The following OPCML variants were observed in gnomAD, a reference collection of about 807,000 sequenced individuals.
The protein encoded by OPCML is opioid binding protein/cell adhesion molecule like.
A neutral mutation model predicts 37.8 loss-of-function variants in OPCML; 13 were observed. That is an observed-to-expected ratio of 0.34 (90% CI 0.22 to 0.55). The LOEUF (loss-of-function observed/expected upper bound fraction) is 0.55, where lower values mean the gene tolerates loss of function less well. OPCML is among the 20% of genes least tolerant of loss of function. The pLI, the probability that OPCML is intolerant of heterozygous loss-of-function variation, is 0.91. For missense variants in OPCML, 341 were observed against 435.6 expected (o/e 0.78, Z 1.93); for synonymous variants, 176 against 168.8 (o/e 1.04, Z -0.33).
chr11:132,861,273 C>T (rs1055726549), intron 2 of OPCML, among the ~76,000 whole-genome samples: 4 of 152,162 alleles, frequency 2.6e-5, no homozygotes, highest in Admixed American at 1.3e-4. Flanking sequence ...AAGGGCTAGG[C>T]GCTTGTTTTC....
At chr11:132,711,077 C>T (rs977641823) in intron 2 of OPCML, among the ~76,000 whole-genome samples, 4 of 152,058 alleles carry the variant, frequency 2.6e-5, no homozygotes, top group African/African-American at 9.7e-5. Context: ...GGTGGGTGAA[C>T]GAGACCTGCT....
intron 1 of OPCML, among the ~76,000 whole-genome samples, chr11:133,063,170 C>T (rs941771661): frequency 1.3e-5 from 2 of 152,206 alleles, no homozygotes; most frequent in East Asian, 3.8e-4. Context: ...TTTCTAGGGG[C>T]TCCAGTCTAT....
rs756135736 is a variant in OPCML at position 132,436,079 on chromosome 11, C to A, written c.916+7G>T. On this transcript the variant is annotated splice_region_variant and intron_variant, in intron 7 of 7. Coordinates refer to ENST00000524381, the MANE Select transcript of OPCML (RefSeq NM_001012393.5). The stretch of plus-strand genomic sequence containing the variant: ...GAGCCCACTGCATCCAGGCTTCCAG[C>A]ACTCACCATACAATGTGATGCTGGC... The A allele has an allele frequency of 6.4e-5, 103 of 1,611,652 alleles. No individual in the cohort carries two copies. The highest frequency in any genetic ancestry group is 8.5e-5 in the Non-Finnish European group (100 of 1,178,526).
rs550636630 is a variant in OPCML at position 133,493,453 on chromosome 11, A to G, written c.61+38811T>C. 3.7e-4 allele frequency among the ~76,000 whole-genome samples: 56 copies of G among 152,364 alleles called. No homozygotes were observed. In the Middle Eastern group the frequency reaches 0.014, roughly 37 times the overall value. On this transcript the variant is annotated intron_variant, in intron 1 of 7. Coordinates refer to ENST00000524381, the MANE Select transcript of OPCML (RefSeq NM_001012393.5). ...ATAGCCTTCCCCCATGTGTACATGC[A>G]TACTTTTTTTTACAGAAATGAGTTT...
intron 1 of OPCML, among the ~76,000 whole-genome samples, chr11:133,100,111 C>G (rs1229105442): frequency 1.3e-5 from 2 of 152,112 alleles, no homozygotes; most frequent in Non-Finnish European, 1.5e-5. Flanking sequence ...TAAGTGGGAA[C>G]TAAACACTGA....
intron 1 of OPCML, among the ~76,000 whole-genome samples, chr11:132,983,462 C>T (rs1489452506): frequency 6.6e-6 from 1 of 152,216 alleles, no homozygotes; most frequent in East Asian, 1.9e-4. Flanking sequence ...GCAGCCCTGA[C>T]TCGCTGCTGG....
intron 1 of OPCML, among the ~76,000 whole-genome samples, chr11:132,951,003 G>T (rs1161204076): frequency 6.6e-6 from 1 of 152,218 alleles, no homozygotes; most frequent in Non-Finnish European, 1.5e-5. Flanking sequence ...CACCTGCTGT[G>T]ATCTAGGTGG....
intron 1 of OPCML, among the ~76,000 whole-genome samples, chr11:133,096,226 G>A (rs1949001064): frequency 6.6e-6 from 1 of 151,556 alleles, no homozygotes; most frequent in Non-Finnish European, 1.5e-5. Flanking sequence ...GGAATATTTT[G>A]TTATTATAAG....
At chr11:133,230,589 T>C (rs1940236034) in intron 1 of OPCML, among the ~76,000 whole-genome samples, 1 of 152,208 alleles carries the variant, frequency 6.6e-6, no homozygotes, top group East Asian at 1.9e-4. Context: ...AACAAGACCT[T>C]ATCTGGCACT....
At chr11:132,518,407 T>A (rs2096284964) in intron 4 of OPCML, among the ~76,000 whole-genome samples, 2 of 152,208 alleles carry the variant, frequency 1.3e-5, no homozygotes, top group South Asian at 4.1e-4. Context: ...GACCTAACTC[T>A]TTAAAGGGCT....
At chr11:133,268,396 C>T (rs1412822879) in intron 1 of OPCML, among the ~76,000 whole-genome samples, 2 of 152,186 alleles carry the variant, frequency 1.3e-5, no homozygotes, top group African/African-American at 4.8e-5. Context: ...TAAAATTTGC[C>T]TATTCAGCTT....
intron 4 of OPCML, among the ~76,000 whole-genome samples, chr11:132,446,933 G>A (rs948794770): frequency 3.9e-5 from 6 of 152,146 alleles, no homozygotes; most frequent in Non-Finnish European, 8.8e-5. Context: ...CTGTATTTTT[G>A]TAGTATAGGA....
Position 132,419,527 on chromosome 11 carries a change from T to C in OPCML, c.*666A>G, listed in dbSNP as rs2095950097. The C allele has an allele frequency of 6.6e-6, 1 of 152,116 alleles. No homozygotes were observed. The highest frequency in any genetic ancestry group is 1.5e-5 in the Non-Finnish European group (1 of 68,018). 9.4% of individuals were successfully genotyped at this position (152,116 alleles called of 1,614,324 possible). On this transcript the variant is annotated 3_prime_UTR_variant, in exon 8 of 8. Coordinates refer to ENST00000524381, the MANE Select transcript of OPCML (RefSeq NM_001012393.5). ...TTGACTTGCAAAATTTAGTGTTGGG[T>C]TTCATGCATAGCCCCAAACTTCAAA...
chr11:132,674,237 A>G (rs1015118056), intron 2 of OPCML, among the ~76,000 whole-genome samples: 2 of 152,226 alleles, frequency 1.3e-5, no homozygotes, highest in African/African-American at 4.8e-5. Context: ...TTAGCATCAC[A>G]GCAGAGCGGT....
chr11:132,651,355 C>T (rs1334529259), intron 3 of OPCML, among the ~76,000 whole-genome samples: 1 of 152,158 alleles, frequency 6.6e-6, no homozygotes, highest in Non-Finnish European at 1.5e-5. Flanking sequence ...TCTATTCTGT[C>T]ATGTGGGGCT....
chr11:132,673,967 A>T (rs879640779), intron 2 of OPCML, among the ~76,000 whole-genome samples: 12 of 152,012 alleles, frequency 7.9e-5, no homozygotes, highest in Admixed American at 5.2e-4. Context: ...CTTCTGTACT[A>T]CCCTGGTTCT....
At chr11:132,721,952 T>A (rs1175153702) in intron 2 of OPCML, among the ~76,000 whole-genome samples, 1 of 80,650 alleles carries the variant, frequency 1.2e-5, no homozygotes, top group African/African-American at 6.3e-5. Context: ...TTCCTTCCCT[T>A]TTTTTTTTTT....
intron 2 of OPCML, among the ~76,000 whole-genome samples, chr11:132,733,524 T>C (rs1300952574): frequency 6.6e-6 from 1 of 152,172 alleles, no homozygotes; most frequent in East Asian, 1.9e-4. Context: ...AGGTTTGGAA[T>C]GGTAATCCTA....
chr11:132,584,792 A>G (rs569955045), intron 3 of OPCML, among the ~76,000 whole-genome samples: 1 of 152,384 alleles, frequency 6.6e-6, no homozygotes, highest in South Asian at 2.1e-4. Flanking sequence ...ATGATTTGCA[A>G]ATTGGCAAGC....
Sources: gnomAD v4.1 joint callset for allele counts (sites outside exome capture counted in the v4.1 genomes callset) on GRCh38, gnomAD v4.1.1 for gene constraint, MANE v1.5 for transcripts, NCBI Gene and HGNC (gene_info 2026-07-23, HGNC 2026-07-21) for gene names.